DGKB: variants seen among roughly 807,000 people sequenced by gnomAD.
The protein encoded by DGKB is diacylglycerol kinase beta, also known as 90 kDa diacylglycerol kinase.
A neutral mutation model predicts 114.3 loss-of-function variants in DGKB; 67 were observed. The observed-to-expected ratio is 0.59, with a 90% CI of 0.48 to 0.72. The LOEUF (loss-of-function observed/expected upper bound fraction) is 0.72, where lower values mean the gene tolerates loss of function less well. Among genes scored for constraint, DGKB ranks in the 30% least tolerant of loss-of-function variants. DGKB has a pLI of 0.00. For synonymous variants in DGKB, 398 were observed against 323.1 expected, an observed-to-expected ratio of 1.23 and a Z score of -2.49; for missense variants, 907 against 975.2, an observed-to-expected ratio of 0.93 and a Z score of 0.93.
At chr7:14,905,397 G>A (rs1242484658), upstream of DGKB, among the ~76,000 whole-genome samples, 2 of 151,966 alleles carry the variant, frequency 1.3e-5, no homozygotes, top group African/African-American at 4.8e-5. Context: ...CATAACTCAA[G>A]ATTTTCCATT....
intron 23 of DGKB, among the ~76,000 whole-genome samples, chr7:14,295,440 A>C (rs2128478296): frequency 6.6e-6 from 1 of 152,254 alleles, no homozygotes; most frequent in Admixed American, 6.5e-5. Flanking sequence ...TTTGAATTAT[A>C]ATTCTCCAAA....
chr7:14,302,894 T>A (rs1445183787), intron 23 of DGKB, among the ~76,000 whole-genome samples: 1 of 152,142 alleles, frequency 6.6e-6, no homozygotes, highest in Non-Finnish European at 1.5e-5. Flanking sequence ...TGGTTTTTAT[T>A]CTCAGCACTA....
chr7:14,704,609 C>T (rs1056524712), intron 6 of DGKB, among the ~76,000 whole-genome samples: 1 of 151,978 alleles, frequency 6.6e-6, no homozygotes, highest in Non-Finnish European at 1.5e-5. Context: ...TCCCAGCACG[C>T]AGCTGAAGAT....
chr7:14,520,487 C>A (rs1002756822), intron 20 of DGKB, among the ~76,000 whole-genome samples: 1 of 151,766 alleles, frequency 6.6e-6, no homozygotes, highest in African/African-American at 2.4e-5. Flanking sequence ...CTAAACCCTG[C>A]TTTAGCTACC....
At chr7:14,704,593 T>G (rs1301640611) in intron 6 of DGKB, among the ~76,000 whole-genome samples, 1 of 151,458 alleles carries the variant, frequency 6.6e-6, no homozygotes, top group African/African-American at 2.4e-5. Context: ...AAGGGAGCAG[T>G]GGTTCTCCCA....
chr7:14,241,943 TACAC>T (rs1182055191), intron 23 of DGKB, among the ~76,000 whole-genome samples: 1 of 73,282 alleles, frequency 1.4e-5, no homozygotes, highest in African/African-American at 3.8e-5. Flanking sequence ...TATAGATATA[TACAC>T]ACACACATAT....
chr7:14,830,110 C>T (rs1330236542), intron 2 of DGKB, among the ~76,000 whole-genome samples: 1 of 151,846 alleles, frequency 6.6e-6, no homozygotes, highest in Non-Finnish European at 1.5e-5. Context: ...AATGTGCCCT[C>T]CAGGAAGGTT....
intron 1 of DGKB, among the ~76,000 whole-genome samples, chr7:14,926,202 C>T (rs1169756234): frequency 6.6e-6 from 1 of 151,716 alleles, no homozygotes; most frequent in Admixed American, 6.6e-5. Context: ...ATTTTTTTCA[C>T]TTGTTTTAAG....
chr7:14,186,420 G>A (rs1783442481), intron 23 of DGKB, among the ~76,000 whole-genome samples: 2 of 152,166 alleles, frequency 1.3e-5, no homozygotes, highest in South Asian at 4.1e-4. Context: ...CTGTGGGTGG[G>A]AATGTAAACT....
At chr7:14,493,169 T>C (rs980618877) in intron 20 of DGKB, among the ~76,000 whole-genome samples, 1 of 152,054 alleles carries the variant, frequency 6.6e-6, no homozygotes, top group South Asian at 2.1e-4. Flanking sequence ...TGTTCTACTC[T>C]GCTATTTGAA....
chr7:14,703,595 AC>A (rs1330752031), intron 6 of DGKB, among the ~76,000 whole-genome samples: 1 of 152,230 alleles, frequency 6.6e-6, no homozygotes, highest in African/African-American at 2.4e-5. Context: ...GATGCTAGTG[AC>A]CTAAGCAAAA....
intron 17 of DGKB, among the ~76,000 whole-genome samples, chr7:14,595,137 G>T (rs1802350507): frequency 6.6e-6 from 1 of 152,038 alleles, no homozygotes; most frequent in Non-Finnish European, 1.5e-5. Context: ...CTTAGGTAAA[G>T]TTAATTAGCT....
chr7:14,429,929 C>T (rs200969898), intron 21 of DGKB, among the ~76,000 whole-genome samples: 5 of 119,822 alleles, frequency 4.2e-5, no homozygotes, highest in South Asian at 2.6e-4. Context: ...TCTGTCCCCC[C>T]CCCCAAAAAA....
chr7:14,769,226 G>A (rs1038264501), intron 2 of DGKB, among the ~76,000 whole-genome samples: 34 of 137,630 alleles, frequency 2.5e-4, no homozygotes, highest in African/African-American at 8.7e-4. Flanking sequence ...GAGAAAGAGA[G>A]AGAGAAAGAA....
intron 2 of DGKB, among the ~76,000 whole-genome samples, chr7:14,776,364 G>A (rs1562505782): frequency 3.3e-5 from 5 of 152,168 alleles, no homozygotes. Flanking sequence ...CAAGACAATG[G>A]GGAAAATGAC....
intron 23 of DGKB, among the ~76,000 whole-genome samples, chr7:14,272,551 C>G (rs1237460094): frequency 6.6e-6 from 1 of 152,170 alleles, no homozygotes; most frequent in South Asian, 2.1e-4. Context: ...ATAATGACTT[C>G]AAGATTCATT....
At chr7:14,944,635 G>C (rs1239469642) in intron 1 of DGKB, among the ~76,000 whole-genome samples, 2 of 151,610 alleles carry the variant, frequency 1.3e-5, no homozygotes, top group African/African-American at 4.8e-5. Context: ...TCCCCTCCTT[G>C]ACCAGGTTAT....
At position 14,422,984 on chromosome 7, in the gene DGKB, C is replaced by T. The variant is rs1335434499; in HGVS notation, c.1835+55177G>A. On this transcript the variant is annotated intron_variant, in intron 21 of 25. Transcript: ENST00000402815. ...AGGCTGTAAGGAATGAAATCACTAA[C>T]GCAATATTATATAGCTAACTATTGG... Among the ~76,000 whole-genome samples, 16 of 152,040 alleles carry T rather than the reference C, an allele frequency of 1.1e-4. 1 individual carries two copies. Among genetic ancestry groups the T allele is most frequent in the East Asian group, 9.7e-4 (5 of 5,172 alleles).
Position 14,666,220 on chromosome 7 carries a change from C to T in DGKB, c.1134+6709G>A, listed in dbSNP as rs1032111993. Among the ~76,000 whole-genome samples the T allele has an allele frequency of 7.2e-5, 11 of 151,992 alleles. No individual in the cohort carries two copies. In the East Asian group the frequency reaches 2.1e-3, roughly 30 times the overall value. On this transcript the variant is annotated intron_variant, in intron 13 of 25. Coordinates refer to ENST00000402815, the MANE Select transcript of DGKB (RefSeq NM_001350709.2). Reference sequence around the variant, plus strand: ...TTTTGTCAGGTAATGAAGGACATTTCCAACATATCTTTTTTTGTTAAAATA... The same window carrying T: ...TTTTGTCAGGTAATGAAGGACATTTTCAACATATCTTTTTTTGTTAAAATA...
Sources: allele counts gnomAD v4.1 joint callset (sites outside exome capture counted in the v4.1 genomes callset), GRCh38; gene constraint gnomAD v4.1.1; transcripts MANE v1.5; gene names NCBI Gene and HGNC (gene_info 2026-07-23, HGNC 2026-07-21).